Variants in SPATA13 observed in about 807,000 individuals in gnomAD.
SPATA13 encodes the protein spermatogenesis associated 13.
A neutral mutation model predicts 104.0 loss-of-function variants in SPATA13; 50 were observed. The ratio of observed to expected loss-of-function variants is 0.48; its 90% confidence interval spans 0.38 to 0.61. SPATA13 has a LOEUF of 0.61. Ranked by LOEUF, SPATA13 falls within the 20% of genes least tolerant of loss-of-function variation. The pLI is 0.00. For missense variants in SPATA13, 1,524 were observed against 1,690.6 expected (o/e 0.90, Z 1.73); for synonymous variants, 606 against 667.5 (o/e 0.91, Z 1.42).
chr13:24,000,610 G>A (rs1875915445), intron 2 of SPATA13, among the ~76,000 whole-genome samples: 1 of 152,190 alleles, frequency 6.6e-6, no homozygotes, highest in Non-Finnish European at 1.5e-5. Context: ...GGAGAAGACG[G>A]CCCAAGAAGG....
chr13:24,055,576 A>C (rs889609906), intron 3 of SPATA13, among the ~76,000 whole-genome samples: 1 of 152,192 alleles, frequency 6.6e-6, no homozygotes, highest in African/African-American at 2.4e-5. Context: ...TCTACCAGGC[A>C]CAGTGCTAGG....
chr13:24,086,735 T>C (rs1290233985), intron 3 of SPATA13, among the ~76,000 whole-genome samples: 1 of 151,220 alleles, frequency 6.6e-6, no homozygotes, highest in Non-Finnish European at 1.5e-5. Context: ...AGACACTGAG[T>C]GGGAAGGGCC....
chr13:24,227,539 T>C (rs1872013237), intron 2 of SPATA13, among the ~76,000 whole-genome samples: 2 of 152,272 alleles, frequency 1.3e-5, no homozygotes, highest in South Asian at 2.1e-4. Flanking sequence ...CTCCAGATAT[T>C]CATCACATTT....
At chr13:24,059,132 C>A (rs1878684823) in intron 3 of SPATA13, among the ~76,000 whole-genome samples, 1 of 151,560 alleles carries the variant, frequency 6.6e-6, no homozygotes, top group East Asian at 1.9e-4. Flanking sequence ...CCACCATGTC[C>A]TGCTAATTTT....
intron 3 of SPATA13, among the ~76,000 whole-genome samples, chr13:24,141,841 TG>T (rs148183603): frequency 0.018 from 2,675 of 152,352 alleles, 74 homozygotes; most frequent in African/African-American, 0.061. Context: ...AATAATGTGC[TG>T]TCTCAGAGCA....
At chr13:24,288,830 A>T (rs939689304) in intron 7 of SPATA13, among the ~76,000 whole-genome samples, 169 bp from the exon 8 acceptor site, 1 of 152,222 alleles carries the variant, frequency 6.6e-6, no homozygotes, top group South Asian at 2.1e-4. Context: ...ATTTTAAAAC[A>T]CCTATGGCAA....
intron 3 of SPATA13, among the ~76,000 whole-genome samples, chr13:24,137,568 C>G (rs947898548): frequency 6.6e-6 from 1 of 151,942 alleles, no homozygotes; most frequent in African/African-American, 2.4e-5. Context: ...GAGGCCAGTC[C>G]GGCCAACATG....
chr13:24,061,305 T>C (rs1414605630), intron 3 of SPATA13, among the ~76,000 whole-genome samples: 1 of 152,166 alleles, frequency 6.6e-6, no homozygotes, highest in Non-Finnish European at 1.5e-5. Flanking sequence ...TAGAAAGTAA[T>C]GTAGCAATTC....
At position 24,161,032 on chromosome 13, in the gene SPATA13, G is replaced by C. The variant is rs1168012542; in HGVS notation, c.-112+100G>C. ...TTGAGTCCCAGTGGACTGCCTCGGGGCTTCGGGATGTCCAGCTCCCAGCTG... is the reference window on the plus strand; with the variant it reads ...TTGAGTCCCAGTGGACTGCCTCGGGCCTTCGGGATGTCCAGCTCCCAGCTG... On this transcript the variant is annotated intron_variant, in intron 1 of 12. Transcript: ENST00000382108. This position sits in a 1 kb window ranked among gnomAD's most constrained non-coding sequence, Gnocchi z 4.5. 1.4e-6 allele frequency: 1 copy of C among 711,692 alleles called. No individual in the cohort carries two copies. The highest frequency in any genetic ancestry group is 1.7e-6 in the Non-Finnish European group (1 of 579,500). 44.1% of individuals were successfully genotyped at this position (711,692 alleles called of 1,614,324 possible).
intron 1 of SPATA13, among the ~76,000 whole-genome samples, chr13:24,169,612 G>C (rs781049934): frequency 1.3e-5 from 2 of 152,158 alleles, no homozygotes; most frequent in African/African-American, 4.8e-5. Flanking sequence ...ATGTGGCTCC[G>C]GGAGCATCAA....
At chr13:24,017,959 C>T (rs1593279226) in intron 3 of SPATA13, among the ~76,000 whole-genome samples, 1 of 152,192 alleles carries the variant, frequency 6.6e-6, no homozygotes, top group East Asian at 1.9e-4. Flanking sequence ...ATTTTAGACC[C>T]TACATGGATT....
At chr13:24,159,815 A>G (rs969741578), upstream of SPATA13, among the ~76,000 whole-genome samples, 21 of 152,222 alleles carry the variant, frequency 1.4e-4, no homozygotes, top group Non-Finnish European at 2.2e-4. Flanking sequence ...ATAAAAGACA[A>G]TAGACATTTA....
At chr13:24,110,246 C>G (rs1313401484) in intron 3 of SPATA13, among the ~76,000 whole-genome samples, 1 of 151,780 alleles carries the variant, frequency 6.6e-6, no homozygotes, top group Non-Finnish European at 1.5e-5. Context: ...AGAACCAGCT[C>G]AGCTCTGCCA....
chr13:24,083,998 T>C (rs1407810048), intron 3 of SPATA13, among the ~76,000 whole-genome samples: 5 of 152,198 alleles, frequency 3.3e-5, no homozygotes, highest in East Asian at 1.9e-4. Flanking sequence ...CACCACACCA[T>C]GCCCAGCATT....
chr13:24,051,081 T>G lies in SPATA13; in HGVS notation c.-112+33380T>G, dbSNP rs1331682683. Among the ~76,000 whole-genome samples the G allele has an allele frequency of 6.6e-6, 1 of 152,208 alleles. No individual in the cohort carries two copies. Among genetic ancestry groups the G allele is most frequent in the East Asian group, 1.9e-4 (1 of 5,200 alleles). ...GGTAGCTGTGGGAGCACCTCTTTCC[T>G]TCTCCGGATTTCCCCCACCTTTTAT... On this transcript the variant is annotated intron_variant, in intron 3 of 14. Transcript: ENST00000424834. The surrounding 1 kb of genome is among the most constrained non-coding windows in gnomAD (Gnocchi z 4.2).
chr13:23,996,298 A>G (rs1006300689), intron 2 of SPATA13, among the ~76,000 whole-genome samples: 2 of 152,170 alleles, frequency 1.3e-5, no homozygotes, highest in East Asian at 1.9e-4. Flanking sequence ...AAATGAGAAG[A>G]AAAGATCTAA....
intron 12 of SPATA13, among the ~76,000 whole-genome samples, chr13:24,302,093 T>C (rs9580927): frequency 0.39 from 58,498 of 151,826 alleles, 11,826 homozygotes; most frequent in East Asian, 0.59. Context: ...GTCAGTCTGG[T>C]TCAGATTCTG....
chr13:24,140,242 C>A (rs78810633), intron 3 of SPATA13, among the ~76,000 whole-genome samples: 181 of 152,246 alleles, frequency 1.2e-3, no homozygotes, highest in African/African-American at 4.1e-3. Flanking sequence ...GGTTAAAGTT[C>A]ATTTATATTC....
intron 7 of SPATA13, 36 bp from the exon 8 acceptor site, chr13:24,288,963 T>G: frequency 6.5e-7 from 1 of 1,544,002 alleles, no homozygotes; most frequent in Non-Finnish European, 8.7e-7. Flanking sequence ...TTTATTTGGA[T>G]TTCCAAATAA....
Sources: allele counts gnomAD v4.1 joint callset (sites outside exome capture counted in the v4.1 genomes callset), GRCh38; gene constraint gnomAD v4.1.1; non-coding constraint Gnocchi (gnomAD v3.1); transcripts MANE v1.5; gene names NCBI Gene and HGNC (gene_info 2026-07-23, HGNC 2026-07-21).